ZDHHC13: variants seen among roughly 807,000 people sequenced by gnomAD.
ZDHHC13 encodes the protein palmitoyltransferase ZDHHC13.
ZDHHC13 carries 85 observed loss-of-function variants against 86.0 expected under a neutral mutation model. That is an observed-to-expected ratio of 0.99 (90% confidence interval 0.83 to 1.18). The LOEUF (loss-of-function observed/expected upper bound fraction) is 1.18. Ranked by LOEUF, ZDHHC13 falls within the 50% of genes most tolerant of loss-of-function variation. The pLI is 0.00. For missense variants in ZDHHC13, 711 were observed against 730.2 expected (o/e 0.97, Z 0.30); for synonymous variants, 263 against 246.4 (o/e 1.07, Z -0.63).
At position 19,175,917 on chromosome 11, in the gene ZDHHC13, T is replaced by C. The variant is rs763841660; in HGVS notation, c.1826T>C (p.Met609Thr). The C allele has an allele frequency of 1.2e-6, 2 of 1,612,904 alleles. No homozygotes were observed. Among genetic ancestry groups the C allele is most frequent in the South Asian group, 2.2e-5 (2 of 90,740 alleles). ...CVVDWTSQYT[M>T]VFHPAREKVL... The stretch of plus-strand genomic sequence containing the variant: ...GTAGATTGGACATCACAGTACACCA[T>C]GGTCTTTCACCCAGCCAGGGAGAAG... The change falls in exon 17 of 17, where the codon ATG (methionine) becomes ACG (threonine). Residue 609 changes from methionine to threonine, a missense_variant. Physicochemically the swap from Met to Thr is moderately conservative, Grantham distance 81. Transcript: ENST00000446113.
Position 19,133,942 on chromosome 11 carries a change from T to TATATATAC in ZDHHC13, c.28-9035_28-9034insTATATACA. On this transcript the variant is annotated intron_variant, in intron 1 of 16. Transcript: ENST00000446113. ...GTCCATATATATATATATATATATA[T>TATATATAC]ACACGTATGTGTTTTATATACTTCA... Among the ~76,000 whole-genome samples, 10 of 96,104 alleles carry TATATATAC rather than the reference T, an allele frequency of 1.0e-4. 2 individuals are homozygous for TATATATAC. The highest frequency in any genetic ancestry group is 7.5e-4 in the South Asian group (2 of 2,662). The allele number at this position is 96,104 out of a possible 152,430, so 63.0% of individuals were successfully genotyped here. A position where few individuals can be genotyped will look rare whatever the true frequency, so the allele number is the denominator to read the frequency against.
intron 1 of ZDHHC13, among the ~76,000 whole-genome samples, chr11:19,123,935 G>A (rs761368567): frequency 1.1e-4 from 17 of 152,098 alleles, no homozygotes; most frequent in Non-Finnish European, 2.4e-4. Flanking sequence ...GAAAGAACAC[G>A]TATATACTTT....
At chr11:19,134,174 G>A (rs1032062958) in intron 1 of ZDHHC13, among the ~76,000 whole-genome samples, 1 of 151,838 alleles carries the variant, frequency 6.6e-6, no homozygotes, top group Non-Finnish European at 1.5e-5. Flanking sequence ...TTTAAAAATT[G>A]TAGATAGGTA....
intron 10 of ZDHHC13, among the ~76,000 whole-genome samples, chr11:19,160,959 T>C (rs946893407): frequency 1.3e-5 from 2 of 151,998 alleles, no homozygotes; most frequent in African/African-American, 2.4e-5. Flanking sequence ...ACAAGATGGA[T>C]GATTTTATTT....
intron 9 of ZDHHC13, among the ~76,000 whole-genome samples, chr11:19,158,336 A>T (rs1323222706): frequency 2.0e-5 from 3 of 152,146 alleles, no homozygotes; most frequent in African/African-American, 4.8e-5. Flanking sequence ...TTTTGGATAA[A>T]TTACATGTGA....
rs1850066027 is a variant in ZDHHC13, at chr11:19,166,305, T to C, written c.1394T>C (p.Phe465Ser). 2 of 1,608,094 alleles carry C rather than the reference T, an allele frequency of 1.2e-6. No individual in the cohort carries two copies. Among genetic ancestry groups the C allele is most frequent in the African/African-American group, 2.7e-5 (2 of 74,698 alleles). Reference protein sequence around the residue: ...HCLWTGRCIGFGNHHYYIFFL... With the variant: ...HCLWTGRCIGSGNHHYYIFFL... ...GTTTTTTTTCTTTTTTCTTGAGGTT[T>C]TGGCAACCATCACTATTACATATTC... The change falls in exon 14 of 17, where the codon TTT (phenylalanine) becomes TCT (serine). Residue 465 changes from phenylalanine (F) to serine (S), a missense_variant. Coordinates refer to ENST00000446113, the MANE Select transcript of ZDHHC13 (RefSeq NM_019028.3).
At chr11:19,139,631 AG>A (rs1590069458) in intron 1 of ZDHHC13, among the ~76,000 whole-genome samples, 1 of 151,622 alleles carries the variant, frequency 6.6e-6, no homozygotes, top group African/African-American at 2.4e-5. Context: ...AAAAGAACAA[AG>A]CTGGAGGCAT....
At chr11:19,158,155 A>G (rs1302594476) in intron 9 of ZDHHC13, among the ~76,000 whole-genome samples, 1 of 152,110 alleles carries the variant, frequency 6.6e-6, no homozygotes, top group Admixed American at 6.6e-5. Flanking sequence ...ACTTACCATT[A>G]TTATGGTTAT....
At position 19,141,675 on chromosome 11, in the gene ZDHHC13, C is replaced by CTTT. The variant is rs34963467; in HGVS notation, c.28-1290_28-1288dup. On this transcript the variant is annotated intron_variant, in intron 1 of 16. Coordinates refer to ENST00000446113, the MANE Select transcript of ZDHHC13 (RefSeq NM_019028.3). The stretch of plus-strand genomic sequence containing the variant: ...ATAATTGATCTTAGATTTTTGTGGG[C>CTTT]TTTTTTTTTTTTTTTAACATTAGCG... 2.6e-3 allele frequency among the ~76,000 whole-genome samples: 360 copies of CTTT among 140,380 alleles called. 4 individuals carry two copies. Among genetic ancestry groups the CTTT allele is most frequent in the Non-Finnish European group, 4.3e-3 (282 of 65,434 alleles). 92.1% of individuals were successfully genotyped at this position (140,380 alleles called of 152,430 possible). A position where few individuals can be genotyped will look rare whatever the true frequency, so the allele number is the denominator to read the frequency against.
chr11:19,172,945 C>T, intron 16 of ZDHHC13, 125 bp downstream of exon 16: 2 of 774,356 alleles, frequency 2.6e-6, no homozygotes, highest in East Asian at 3.0e-5. Flanking sequence ...ACAGTTGACC[C>T]CCCTTTTCTT....
At chr11:19,133,371 C>CCA (rs1849044062) in intron 1 of ZDHHC13, among the ~76,000 whole-genome samples, 2 of 129,666 alleles carry the variant, frequency 1.5e-5, no homozygotes, top group South Asian at 5.2e-4. Flanking sequence ...ATATATATAC[C>CCA]CACACACATA....
Position 19,175,305 on chromosome 11 carries a change from G to A in ZDHHC13, c.1731-517G>A, listed in dbSNP as rs539358532. ...CTCAGGAGGCTGAGGCAGGAGAATGGCGTGAACCTGGGAGGTAGAGCTTGC... is the reference window on the plus strand; with the variant it reads ...CTCAGGAGGCTGAGGCAGGAGAATGACGTGAACCTGGGAGGTAGAGCTTGC... On this transcript the variant is annotated intron_variant, in intron 16 of 16. Coordinates refer to ENST00000446113, the MANE Select transcript of ZDHHC13 (RefSeq NM_019028.3). 2.4e-3 allele frequency among the ~76,000 whole-genome samples: 359 copies of A among 148,330 alleles called. 3 individuals carry two copies. The highest frequency in any genetic ancestry group is 8.4e-3 in the African/African-American group (333 of 39,706).
intron 1 of ZDHHC13, among the ~76,000 whole-genome samples, chr11:19,136,294 G>A (rs1316946663): frequency 3.3e-5 from 5 of 152,270 alleles, no homozygotes; most frequent in Non-Finnish European, 4.4e-5. Flanking sequence ...CTCAGGAGCC[G>A]ATGCGATCAA....
In ZDHHC13 at chr11:19,132,840, A is replaced by G. The variant is rs918314757; in HGVS notation, c.28-10138A>G. Among the ~76,000 whole-genome samples the G allele has an allele frequency of 1.8e-4, 27 of 152,124 alleles. 1 individual carries two copies. Among genetic ancestry groups the G allele is most frequent in the Non-Finnish European group, 7.4e-5 (5 of 68,026 alleles). On this transcript the variant is annotated intron_variant, in intron 1 of 16. Coordinates refer to ENST00000446113, the MANE Select transcript of ZDHHC13 (RefSeq NM_019028.3). The stretch of plus-strand genomic sequence containing the variant: ...AAAGTCTGAGTACAGGTTACTTCAT[A>G]TATTTTGTTCACTTTTCTAGGTTTC...
chr11:19,138,075 A>C (rs1590068224), intron 1 of ZDHHC13, among the ~76,000 whole-genome samples: 1 of 152,128 alleles, frequency 6.6e-6, no homozygotes, highest in Middle Eastern at 3.4e-3. Context: ...GCAGAACTGA[A>C]GGAAATAGAG....
chr11:19,121,941 C>T (rs1192161318), intron 1 of ZDHHC13, among the ~76,000 whole-genome samples: 1 of 152,100 alleles, frequency 6.6e-6, no homozygotes, highest in South Asian at 2.1e-4. Flanking sequence ...TCAGTGCAAT[C>T]AGGAGAGATT....
chr11:19,132,349 C>G (rs186026285), intron 1 of ZDHHC13, among the ~76,000 whole-genome samples: 8 of 152,318 alleles, frequency 5.3e-5, no homozygotes, highest in Non-Finnish European at 8.8e-5. Context: ...GTGTGGCCCT[C>G]TGATATCTCC....
chr11:19,152,437 A>G, intron 7 of ZDHHC13, 117 bp downstream of exon 7: 1 of 1,448,090 alleles, frequency 6.9e-7, no homozygotes. Context: ...GATATAAATG[A>G]TAATAGCTGG....
chr11:19,168,728 A>G, intron 14 of ZDHHC13: 1 of 863,906 alleles, frequency 1.2e-6, no homozygotes, highest in Non-Finnish European at 1.4e-6. Context: ...TTTACCATTA[A>G]TGCTGTATTA....
Sources: allele counts gnomAD v4.1 joint callset (sites outside exome capture counted in the v4.1 genomes callset), GRCh38; gene constraint gnomAD v4.1.1; transcripts MANE v1.5; gene names NCBI Gene and HGNC (gene_info 2026-07-23, HGNC 2026-07-21).